The following ATP6V0E1 variants were observed in gnomAD, a reference collection of about 807,000 sequenced individuals.
ATP6V0E1 encodes ATPase H+ transporting V0 subunit e1.
A neutral mutation model predicts 11.6 loss-of-function variants in ATP6V0E1; 4 were observed. The ratio of observed to expected loss-of-function variants is 0.35; its 90% CI spans 0.17 to 0.79. The LOEUF is 0.79. Ranked by LOEUF, ATP6V0E1 falls within the 30% of genes least tolerant of loss-of-function variation. The probability of loss-of-function intolerance (pLI) is 0.54; values close to 1 mark genes in which losing one functional copy is unlikely to be tolerated. For synonymous variants in ATP6V0E1, 36 were observed against 34.8 expected (o/e 1.04, Z -0.13); for missense variants, 105 against 100.0 (o/e 1.05, Z -0.21).
chr5:173,002,873 A>G (rs552669340), intron 2 of ATP6V0E1, among the ~76,000 whole-genome samples: 1 of 151,942 alleles, frequency 6.6e-6, no homozygotes, highest in Admixed American at 6.6e-5. Flanking sequence ...CTGCAAATGT[A>G]AAGGCACTGA....
At chr5:173,000,480 GA>G (rs1340886898) in intron 2 of ATP6V0E1, among the ~76,000 whole-genome samples, 1 of 152,076 alleles carries the variant, frequency 6.6e-6, no homozygotes, top group East Asian at 1.9e-4. Flanking sequence ...TTGTTTCTTG[GA>G]AAACATGCTG....
At chr5:173,002,224 G>T (rs1403158687) in intron 2 of ATP6V0E1, among the ~76,000 whole-genome samples, 1 of 152,084 alleles carries the variant, frequency 6.6e-6, no homozygotes, top group Non-Finnish European at 1.5e-5. Context: ...ATACCATTAT[G>T]CACAAAAAAC....
At chr5:173,003,931 G>T (rs1756192436) in intron 2 of ATP6V0E1, among the ~76,000 whole-genome samples, 1 of 152,182 alleles carries the variant, frequency 6.6e-6, no homozygotes, top group African/African-American at 2.4e-5. Context: ...CTGGCATCCA[G>T]GGATAGAGGC....
intron 2 of ATP6V0E1, among the ~76,000 whole-genome samples, chr5:173,007,977 T>G (rs1338323907): frequency 6.6e-6 from 1 of 152,200 alleles, no homozygotes; most frequent in Non-Finnish European, 1.5e-5. Flanking sequence ...CTGAAGTTAT[T>G]GCCAGGCCAA....
chr5:173,009,470 T>C (rs1444221062), intron 2 of ATP6V0E1, among the ~76,000 whole-genome samples: 2 of 146,724 alleles, frequency 1.4e-5, no homozygotes, highest in Non-Finnish European at 3.0e-5. Context: ...TTTTTTTTTT[T>C]TTTTTTTTTG....
At chr5:172,992,597 G>A (rs1756000812) in intron 1 of ATP6V0E1, among the ~76,000 whole-genome samples, 1 of 152,038 alleles carries the variant, frequency 6.6e-6, no homozygotes, top group Non-Finnish European at 1.5e-5. Flanking sequence ...GGCTTTTCCT[G>A]ACCATCCTCT....
At chr5:173,000,071 A>G (rs148861641) in intron 2 of ATP6V0E1, among the ~76,000 whole-genome samples, 37 of 152,326 alleles carry the variant, frequency 2.4e-4, no homozygotes, top group African/African-American at 8.7e-4. Flanking sequence ...CAAGTAAGGC[A>G]CACCCAAAGA....
At chr5:173,000,949 C>T (rs570128126) in intron 2 of ATP6V0E1, among the ~76,000 whole-genome samples, 3 of 152,166 alleles carry the variant, frequency 2.0e-5, no homozygotes, top group African/African-American at 7.2e-5. Context: ...GATCCACCCA[C>T]CTTGGCCTCC....
intron 2 of ATP6V0E1, among the ~76,000 whole-genome samples, chr5:173,005,814 A>C (rs966998179): frequency 6.6e-6 from 1 of 152,196 alleles, no homozygotes; most frequent in Middle Eastern, 3.2e-3. Context: ...ATTTTACTCC[A>C]TTTGAAATAT....
At chr5:173,012,095 G>A (rs1003389734) in intron 2 of ATP6V0E1, among the ~76,000 whole-genome samples, 1 of 148,540 alleles carries the variant, frequency 6.7e-6, no homozygotes, top group Non-Finnish European at 1.5e-5. Context: ...GCAGTGGCCC[G>A]ATCTCAGCTC....
chr5:173,030,449 T>G lies in ATP6V0E1; in HGVS notation c.*37-3950T>G, dbSNP rs138438923. 5.7e-3 allele frequency among the ~76,000 whole-genome samples: 864 copies of G among 150,654 alleles called. 18 individuals carry two copies. Among genetic ancestry groups the G allele is most frequent in the African/African-American group, 0.02 (811 of 41,292 alleles). ...TTCATTGTCAGTTTTTTGTTTTTTT[T>G]TTTTTTTTTGAAACAGAGTCTCACT... On this transcript the variant is annotated intron_variant, in intron 3 of 3. Coordinates refer to ENST00000519374, the MANE Select transcript of ATP6V0E1 (RefSeq NM_003945.4).
chr5:173,032,720 TGAA>T, intron 3 of ATP6V0E1, among the ~76,000 whole-genome samples: 1 of 152,340 alleles, frequency 6.6e-6, no homozygotes, highest in Non-Finnish European at 1.5e-5. Context: ...GCCTGTACTA[TGAA>T]GAAGTCTAAT....
At chr5:173,002,712 G>A (rs879332676) in intron 2 of ATP6V0E1, among the ~76,000 whole-genome samples, 3 of 152,202 alleles carry the variant, frequency 2.0e-5, no homozygotes, top group Admixed American at 2.0e-4. Flanking sequence ...TAGAAGCCAA[G>A]TCTGGTGGCT....
At chr5:173,018,098 C>T (rs1756431096) in intron 2 of ATP6V0E1, among the ~76,000 whole-genome samples, 1 of 152,062 alleles carries the variant, frequency 6.6e-6, no homozygotes, top group Non-Finnish European at 1.5e-5. Flanking sequence ...GTTGAAAATC[C>T]ATTTATAACT....
intron 1 of ATP6V0E1, among the ~76,000 whole-genome samples, chr5:172,988,836 A>C (rs1026486387): frequency 6.6e-6 from 1 of 152,108 alleles, no homozygotes; most frequent in African/African-American, 2.4e-5. Context: ...CTACAGGCGC[A>C]CGTCACCATG....
At chr5:173,004,422 G>C (rs1319490546) in intron 2 of ATP6V0E1, among the ~76,000 whole-genome samples, 1 of 152,158 alleles carries the variant, frequency 6.6e-6, no homozygotes, top group Non-Finnish European at 1.5e-5. Flanking sequence ...AGAAGGGATG[G>C]GAAGCTGGGT....
At chr5:173,034,283 T>C in intron 3 of ATP6V0E1, 116 bp from the exon 4 acceptor site, 1 of 677,476 alleles carries the variant, frequency 1.5e-6, no homozygotes, top group Non-Finnish European at 2.7e-6. Flanking sequence ...TGTTTCATAT[T>C]TTGTTGAGCA....
chr5:173,019,995 A>G (rs1756455675), intron 2 of ATP6V0E1, among the ~76,000 whole-genome samples: 1 of 152,220 alleles, frequency 6.6e-6, no homozygotes, highest in South Asian at 2.1e-4. Flanking sequence ...ATGAGAGAAA[A>G]GTCAGAGACT....
chr5:173,003,320 A>G lies in ATP6V0E1; in HGVS notation c.152+8498A>G, dbSNP rs190746222. Reference sequence around the variant, plus strand: ...GGCCTCTCTGGCTCTTGATTTGTTTACTATCTGCTTCTCCTCATTAAAGAG... The same window carrying G: ...GGCCTCTCTGGCTCTTGATTTGTTTGCTATCTGCTTCTCCTCATTAAAGAG... On this transcript the variant is annotated intron_variant, in intron 2 of 3. Coordinates refer to ENST00000519374, the MANE Select transcript of ATP6V0E1 (RefSeq NM_003945.4). Among the ~76,000 whole-genome samples, 7 of 152,166 alleles carry G rather than the reference A, an allele frequency of 4.6e-5. No homozygotes were observed. In the East Asian group the frequency reaches 1.2e-3, roughly 25 times the overall value.
Sources: allele counts gnomAD v4.1 joint callset (sites outside exome capture counted in the v4.1 genomes callset), GRCh38; gene constraint gnomAD v4.1.1; transcripts MANE v1.5; gene names NCBI Gene and HGNC (gene_info 2026-07-23, HGNC 2026-07-21).